Variants in VRK2 observed in about 807,000 individuals in gnomAD.
The protein encoded by VRK2 is serine/threonine-protein kinase VRK2.
VRK2 carries 60 observed loss-of-function variants against 57.6 expected under a neutral mutation model. The observed-to-expected ratio is 1.04, with a 90% confidence interval of 0.85 to 1.29. The LOEUF (loss-of-function observed/expected upper bound fraction) is 1.29, where lower values mean the gene tolerates loss of function less well. VRK2 is among the 50% of genes most tolerant of loss of function. The pLI is 0.00. For missense variants in VRK2, 705 were observed against 588.1 expected, an observed-to-expected ratio of 1.20 and a Z score of -2.06; for synonymous variants, 231 against 199.2, an observed-to-expected ratio of 1.16 and a Z score of -1.35.
rs1456100064 is a variant in VRK2, at chr2:58,007,222, C to G, written c.-438-18443C>G. Among the ~76,000 whole-genome samples the G allele has an allele frequency of 2.0e-5, 3 of 150,780 alleles. No homozygotes were observed. The East Asian group carries it at 5.8e-4, about 29-fold the overall frequency. ...ATAATAAATCTCTCTCTCTCCCTCT[C>G]TCTCTCTCTCTCTCTCTCATATATA... On this transcript the variant is annotated intron_variant, in intron 1 of 15. Transcript: ENST00000417641.
At chr2:58,128,629 G>A (rs1269174575) in intron 8 of VRK2, among the ~76,000 whole-genome samples, 5 of 152,170 alleles carry the variant, frequency 3.3e-5, no homozygotes, top group Non-Finnish European at 5.9e-5. Context: ...ACCGCGCCTG[G>A]CAACAAAGTA....
At chr2:57,915,498 T>C (rs984597788) in intron 1 of VRK2, among the ~76,000 whole-genome samples, 2 of 152,130 alleles carry the variant, frequency 1.3e-5, no homozygotes, top group African/African-American at 2.4e-5. Flanking sequence ...TATACATATG[T>C]GCTCCCTAGG....
At chr2:58,046,787 G>T (rs947763033), upstream of VRK2, 15 of 985,464 alleles carry the variant, frequency 1.5e-5, no homozygotes, top group African/African-American at 2.3e-4. Flanking sequence ...CCGCGGGACT[G>T]TAGGCCCGGG....
intron 7 of VRK2, among the ~76,000 whole-genome samples, chr2:58,094,050 C>A (rs1216581286): frequency 1.3e-5 from 2 of 152,170 alleles, no homozygotes; most frequent in Non-Finnish European, 2.9e-5. Context: ...CAGTACCATG[C>A]TGTTTTGGTT....
chr2:58,077,109 G>A (rs1670225219), intron 2 of VRK2, among the ~76,000 whole-genome samples: 1 of 151,886 alleles, frequency 6.6e-6, no homozygotes, highest in Non-Finnish European at 1.5e-5. Context: ...CATTGTCTCT[G>A]TAACTCCCTT....
chr2:58,041,368 G>A (rs1674449574), intron 3 of VRK2, among the ~76,000 whole-genome samples: 3 of 152,082 alleles, frequency 2.0e-5, no homozygotes, highest in African/African-American at 4.8e-5. Flanking sequence ...TTCAGCCAAG[G>A]ACATTCCAAA....
intron 12 of VRK2, among the ~76,000 whole-genome samples, chr2:58,151,092 GTTGT>G (rs1469973814): frequency 2.6e-5 from 4 of 151,630 alleles, no homozygotes; most frequent in East Asian, 1.9e-4. Context: ...GAAGTTTGGG[GTTGT>G]TTAATAGTGT....
At chr2:58,133,242 G>A (rs1679477108) in intron 9 of VRK2, among the ~76,000 whole-genome samples, 1 of 151,886 alleles carries the variant, frequency 6.6e-6, no homozygotes, top group Non-Finnish European at 1.5e-5. Context: ...ATAATAGGAT[G>A]TCATATAAAA....
chr2:58,020,653 G>T (rs1056032672), intron 1 of VRK2, among the ~76,000 whole-genome samples: 37 of 152,240 alleles, frequency 2.4e-4, no homozygotes, highest in Middle Eastern at 3.2e-3. Flanking sequence ...CTCCAGACAG[G>T]CTCATAAGAA....
In VRK2 at chr2:58,084,073, T is replaced by A; in HGVS notation, c.137-16T>A. The A allele has an allele frequency of 6.3e-7, 1 of 1,584,066 alleles. No individual in the cohort carries two copies. Among genetic ancestry groups the A allele is most frequent in the Admixed American group, 1.7e-5 (1 of 57,912 alleles). On this transcript the variant is annotated splice_polypyrimidine_tract_variant and intron_variant, in intron 2 of 12. Transcript: ENST00000340157. ...AATAACTATTTTTCTCCATTGTGTG[T>A]TTTTTTTGTCTGCAGCTTTCCCCAC...
At chr2:58,088,074 C>T (rs1250974820) in intron 5 of VRK2, among the ~76,000 whole-genome samples, 1 of 152,142 alleles carries the variant, frequency 6.6e-6, no homozygotes, top group Non-Finnish European at 1.5e-5. Flanking sequence ...TCAGTACTAT[C>T]TAATTTAGAA....
intron 1 of VRK2, among the ~76,000 whole-genome samples, chr2:57,994,290 T>C (rs1233387535): frequency 1.3e-5 from 2 of 152,096 alleles, no homozygotes; most frequent in African/African-American, 2.4e-5. Flanking sequence ...GAGAGGGAAA[T>C]GGTAAAATTG....
intron 7 of VRK2, among the ~76,000 whole-genome samples, chr2:58,097,414 A>G (rs1267907388): frequency 6.6e-6 from 1 of 151,820 alleles, no homozygotes; most frequent in Non-Finnish European, 1.5e-5. Context: ...CAAGTTGTTT[A>G]GGGGGAGAGG....
chr2:58,087,423 A>C (rs1558618352), intron 5 of VRK2, among the ~76,000 whole-genome samples: 1 of 152,218 alleles, frequency 6.6e-6, no homozygotes, highest in African/African-American at 2.4e-5. Context: ...TAGTTGCCTT[A>C]GAAGGATTTT....
chr2:58,106,483 A>C (rs1341028194), intron 7 of VRK2, among the ~76,000 whole-genome samples: 2 of 152,052 alleles, frequency 1.3e-5, no homozygotes, highest in African/African-American at 4.8e-5. Context: ...ACTTTAATTT[A>C]TGGCAGTATT....
At chr2:57,976,564 T>C (rs1183718059) in intron 1 of VRK2, among the ~76,000 whole-genome samples, 2 of 152,120 alleles carry the variant, frequency 1.3e-5, no homozygotes, top group East Asian at 1.9e-4. Flanking sequence ...GGGTTGTTTG[T>C]TTTTTGCTTA....
chr2:57,941,879 T>C lies in VRK2; in HGVS notation c.-439+34040T>C, dbSNP rs1671105538. 2.6e-5 allele frequency among the ~76,000 whole-genome samples: 4 copies of C among 152,238 alleles called. No homozygotes were observed. In the South Asian group the frequency reaches 8.3e-4, roughly 31 times the overall value. On this transcript the variant is annotated intron_variant, in intron 1 of 15. Transcript: ENST00000417641. ...GAATTATAAGAAACCTGTTTAATGTTAGGGCAAGTACATATTCCCTATAGT... is the reference window on the plus strand; with the variant it reads ...GAATTATAAGAAACCTGTTTAATGTCAGGGCAAGTACATATTCCCTATAGT...
upstream of VRK2, among the ~76,000 whole-genome samples, chr2:58,044,102 G>A (rs1209184088): frequency 6.6e-6 from 1 of 152,214 alleles, no homozygotes; most frequent in Non-Finnish European, 1.5e-5. Flanking sequence ...TACATGGGGT[G>A]TGAATTAAGG....
At chr2:58,141,920 A>G (rs1681402497) in intron 11 of VRK2, among the ~76,000 whole-genome samples, 1 of 151,996 alleles carries the variant, frequency 6.6e-6, no homozygotes, top group African/African-American at 2.4e-5. Context: ...ATTTCTTTTT[A>G]GTCACAGACA....
Sources: allele counts gnomAD v4.1 joint callset (sites outside exome capture counted in the v4.1 genomes callset), GRCh38; gene constraint gnomAD v4.1.1; transcripts MANE v1.5; gene names NCBI Gene and HGNC (gene_info 2026-07-23, HGNC 2026-07-21).